MAP3K20: variants seen among roughly 807,000 people sequenced by gnomAD.
The protein encoded by MAP3K20 is mitogen-activated protein kinase kinase kinase 20, also known as HCCS-4.
MAP3K20 carries 40 observed loss-of-function variants against 85.7 expected under a neutral mutation model. The ratio of observed to expected loss-of-function variants is 0.47; its 90% CI spans 0.36 to 0.61. The LOEUF (loss-of-function observed/expected upper bound fraction) is 0.61, where lower values mean the gene tolerates loss of function less well. Among genes scored for constraint, MAP3K20 ranks in the 20% least tolerant of loss-of-function variants. MAP3K20 has a pLI of 0.00. For missense variants in MAP3K20, 817 were observed against 961.7 expected (o/e 0.85, Z 1.99); for synonymous variants, 325 against 327.7 (o/e 0.99, Z 0.09).
At chr2:173,238,796 T>G (rs1190942279) in intron 15 of MAP3K20, among the ~76,000 whole-genome samples, 1 of 152,210 alleles carries the variant, frequency 6.6e-6, no homozygotes, top group Admixed American at 6.5e-5. Flanking sequence ...TCGTCAACTT[T>G]CATAGGGGAT....
chr2:173,084,221 A>AT (rs1381448356), intron 1 of MAP3K20, among the ~76,000 whole-genome samples: 4 of 152,090 alleles, frequency 2.6e-5, no homozygotes, highest in South Asian at 2.1e-4. Context: ...AGTAGATTTA[A>AT]TTTTTTTTAA....
chr2:173,248,135 AAG>A (rs1684963233), intron 16 of MAP3K20, among the ~76,000 whole-genome samples: 1 of 152,196 alleles, frequency 6.6e-6, no homozygotes, highest in Admixed American at 6.5e-5. Context: ...ATAATGAGGC[AAG>A]AGGTTAGGAT....
chr2:173,248,126 T>A (rs1304252752), intron 16 of MAP3K20, among the ~76,000 whole-genome samples: 1 of 152,194 alleles, frequency 6.6e-6, no homozygotes, highest in Non-Finnish European at 1.5e-5. Flanking sequence ...TTTAGTAGTA[T>A]AATGAGGCAA....
intron 9 of MAP3K20, among the ~76,000 whole-genome samples, chr2:173,205,119 A>AAAT (rs1553581840): frequency 1.4e-5 from 2 of 139,552 alleles, no homozygotes; most frequent in Non-Finnish European, 3.1e-5. Context: ...AAAAAAAAAA[A>AAAT]AAATAAATAA....
chr2:173,214,941 T>C (rs1025336519), intron 10 of MAP3K20, among the ~76,000 whole-genome samples: 3 of 152,338 alleles, frequency 2.0e-5, no homozygotes, highest in Non-Finnish European at 2.9e-5. Context: ...GATTTGACTC[T>C]GCAGTGTTGG....
chr2:173,197,912 G>T, intron 7 of MAP3K20, 114 bp from the exon 8 acceptor site: 1 of 714,946 alleles, frequency 1.4e-6, no homozygotes, highest in African/African-American at 1.8e-5. Context: ...TTCTACAGTT[G>T]GGGTTGGTTG....
chr2:173,103,558 A>G (rs907505852), intron 2 of MAP3K20, among the ~76,000 whole-genome samples: 4 of 152,238 alleles, frequency 2.6e-5, no homozygotes, highest in Non-Finnish European at 4.4e-5. Flanking sequence ...GGCCCTCTGT[A>G]TCTCTGAAAT....
intron 2 of MAP3K20, among the ~76,000 whole-genome samples, chr2:173,091,737 GTCC>G (rs963403669): frequency 2.0e-5 from 3 of 152,174 alleles, no homozygotes; most frequent in Admixed American, 1.3e-4. Context: ...ACAGAGAGCT[GTCC>G]TCCTAGTAAA....
chr2:173,081,355 A>G (rs1400129389), intron 1 of MAP3K20, among the ~76,000 whole-genome samples: 1 of 152,130 alleles, frequency 6.6e-6, no homozygotes, highest in Non-Finnish European at 1.5e-5. Flanking sequence ...AGTGAAATTG[A>G]TGCTGTAGGA....
At chr2:173,179,969 A>G (rs1171067151) in intron 3 of MAP3K20, among the ~76,000 whole-genome samples, 1 of 152,246 alleles carries the variant, frequency 6.6e-6, no homozygotes, top group Non-Finnish European at 1.5e-5. Flanking sequence ...AGAAAATTAA[A>G]GATCTAAACA....
At chr2:173,232,827 C>T (rs1275513549) in intron 14 of MAP3K20, among the ~76,000 whole-genome samples, 2 of 152,190 alleles carry the variant, frequency 1.3e-5, no homozygotes, top group Admixed American at 6.5e-5. Flanking sequence ...CTTTATTGAG[C>T]ACCTACTATG....
chr2:173,210,192 A>G (rs998227535), intron 10 of MAP3K20: 1 of 221,870 alleles, frequency 4.5e-6, no homozygotes, highest in Non-Finnish European at 9.1e-6. Context: ...TCTCTACTAA[A>G]AATACAAAAA....
intron 2 of MAP3K20, among the ~76,000 whole-genome samples, chr2:173,112,585 C>T (rs2106176495): frequency 6.6e-6 from 1 of 151,036 alleles, no homozygotes; most frequent in Non-Finnish European, 1.5e-5. Context: ...ACAAGTATGT[C>T]CCTTATATGC....
chr2:173,169,615 G>A (rs1293201933), intron 2 of MAP3K20, among the ~76,000 whole-genome samples, 190 bp from the exon 3 acceptor site: 1 of 151,968 alleles, frequency 6.6e-6, no homozygotes, highest in Admixed American at 6.6e-5. Flanking sequence ...AGCTACTTGG[G>A]AGGCTGAGGC....
rs368934682 is a variant in MAP3K20 at position 173,191,072 on chromosome 2, C to T, written c.477C>T (p.Asn159=). The change falls in exon 7 of 20, where the codon AAC becomes AAT. Residue 159 remains asparagine (N), a synonymous_variant. Coordinates refer to ENST00000375213, the MANE Select transcript of MAP3K20 (RefSeq NM_016653.3). ...ACTTTGGTGCCTCTCGGTTCCATAACCATACAACACACATGTCCTTGGTTG... is the reference window on the plus strand; with the variant it reads ...ACTTTGGTGCCTCTCGGTTCCATAATCATACAACACACATGTCCTTGGTTG... ...ICDFGASRFH[N]HTTHMSLVGT... 2 of 1,613,966 alleles carry T rather than the reference C, an allele frequency of 1.2e-6. No individual in the cohort carries two copies. The highest frequency in any genetic ancestry group is 2.2e-5 in the South Asian group (2 of 91,060).
intron 2 of MAP3K20, among the ~76,000 whole-genome samples, chr2:173,120,864 T>C (rs1250044538): frequency 1.3e-5 from 2 of 151,758 alleles, no homozygotes; most frequent in African/African-American, 2.4e-5. Flanking sequence ...CGTGCCACCA[T>C]GGCCGGCTAA....
chr2:173,213,497 T>G (rs1284491202), intron 10 of MAP3K20, among the ~76,000 whole-genome samples: 1 of 152,220 alleles, frequency 6.6e-6, no homozygotes, highest in East Asian at 1.9e-4. Context: ...ATAAACACAG[T>G]TGTCACTTAT....
chr2:173,264,926 C>T (rs1251701854), intron 19 of MAP3K20, among the ~76,000 whole-genome samples: 1 of 152,124 alleles, frequency 6.6e-6, no homozygotes, highest in Non-Finnish European at 1.5e-5. Flanking sequence ...CAAGATGAAA[C>T]AGTTACAGAG....
intron 16 of MAP3K20, among the ~76,000 whole-genome samples, chr2:173,239,962 C>T (rs1340843629): frequency 6.6e-6 from 1 of 152,206 alleles, no homozygotes; most frequent in African/African-American, 2.4e-5. Flanking sequence ...CAGTTTATGT[C>T]ATTTTGAAAG....
Sources: gnomAD v4.1 joint callset for allele counts (sites outside exome capture counted in the v4.1 genomes callset) on GRCh38, gnomAD v4.1.1 for gene constraint, MANE v1.5 for transcripts, NCBI Gene and HGNC (gene_info 2026-07-23, HGNC 2026-07-21) for gene names.